THSD4: variants seen among roughly 807,000 people sequenced by gnomAD.
THSD4 encodes the protein thrombospondin type 1 domain containing 4.
THSD4 carries 69 observed loss-of-function variants against 119.0 expected under a neutral mutation model. That is an observed-to-expected ratio of 0.58 (90% CI 0.48 to 0.71). THSD4 has a LOEUF of 0.71. THSD4 is among the 30% of genes least tolerant of loss of function. The pLI, the probability that THSD4 is intolerant of heterozygous loss-of-function variation, is 0.00. For missense variants in THSD4, 1,393 were observed against 1,391.1 expected (o/e 1.00, Z -0.02); for synonymous variants, 524 against 540.4 (o/e 0.97, Z 0.42).
At chr15:71,616,974 A>G (rs2050328915) in intron 7 of THSD4, among the ~76,000 whole-genome samples, 2 of 152,230 alleles carry the variant, frequency 1.3e-5, no homozygotes, top group South Asian at 2.1e-4. Flanking sequence ...GGGGCTCAGA[A>G]GGGTTTAGCC....
intron 5 of THSD4, among the ~76,000 whole-genome samples, chr15:71,244,579 G>A (rs73433458): frequency 0.055 from 8,409 of 152,218 alleles, 760 homozygotes; most frequent in African/African-American, 0.19. Flanking sequence ...TAAGGCCATT[G>A]CTGATCAGTC....
At chr15:71,705,989 C>G (rs759449326) in intron 8 of THSD4, among the ~76,000 whole-genome samples, 6 of 152,162 alleles carry the variant, frequency 3.9e-5, no homozygotes, top group Admixed American at 2.6e-4. Context: ...GGCTTTGGGA[C>G]ATGCAGACAT....
chr15:71,548,288 G>C (rs1281890950), intron 7 of THSD4, among the ~76,000 whole-genome samples: 1 of 152,086 alleles, frequency 6.6e-6, no homozygotes, highest in Non-Finnish European at 1.5e-5. Flanking sequence ...CCTGAGTAAC[G>C]AAAGGACAGC....
chr15:71,658,486 C>T (rs2051234474), intron 7 of THSD4, among the ~76,000 whole-genome samples: 1 of 152,146 alleles, frequency 6.6e-6, no homozygotes, highest in Non-Finnish European at 1.5e-5. Flanking sequence ...ACCACCTCTC[C>T]TGTCTACCTT....
In THSD4 at chr15:71,740,354, T is replaced by C. The variant is rs535723224; in HGVS notation, c.1906+2347T>C. On this transcript the variant is annotated intron_variant, in intron 11 of 17. Transcript: ENST00000261862. ...AACCCGAAATCAAAATGTATTATTA[T>C]TGAAATATTCTACCTTTAGGTAATG... is the stretch of plus-strand genomic sequence containing the variant. Among the ~76,000 whole-genome samples, 4 of 152,324 alleles carry C rather than the reference T, an allele frequency of 2.6e-5. No homozygotes were observed. The South Asian group carries it at 6.2e-4, about 24-fold the overall frequency.
intron 7 of THSD4, among the ~76,000 whole-genome samples, chr15:71,435,430 A>G (rs1339260304): frequency 6.6e-6 from 1 of 152,188 alleles, no homozygotes; most frequent in Non-Finnish European, 1.5e-5. Context: ...TTCTTTTCAT[A>G]GGTACCAATA....
chr15:71,729,831 C>T (rs922552515), intron 9 of THSD4: 4 of 151,828 alleles, frequency 2.6e-5, no homozygotes, highest in African/African-American at 7.3e-5. Flanking sequence ...AGCCACAGAC[C>T]GAGAGGAAGA....
chr15:71,196,171 T>G (rs559471036), intron 3 of THSD4, among the ~76,000 whole-genome samples: 2 of 152,306 alleles, frequency 1.3e-5, no homozygotes, highest in Admixed American at 6.5e-5. Flanking sequence ...GAAGCCTCTT[T>G]TATAAGGCCT....
At chr15:71,401,382 T>A (rs1047381156) in intron 6 of THSD4, among the ~76,000 whole-genome samples, 3 of 152,342 alleles carry the variant, frequency 2.0e-5, no homozygotes, top group South Asian at 2.1e-4. Flanking sequence ...TAGATTTTTT[T>A]AAAAATTGGT....
At chr15:71,668,565 A>G (rs963987457) in intron 8 of THSD4, among the ~76,000 whole-genome samples, 2 of 152,216 alleles carry the variant, frequency 1.3e-5, no homozygotes, top group African/African-American at 4.8e-5. Flanking sequence ...ACACACATTC[A>G]GAATGCTGGC....
chr15:71,346,383 AG>A (rs1362092304), intron 6 of THSD4, among the ~76,000 whole-genome samples: 1 of 152,218 alleles, frequency 6.6e-6, no homozygotes, highest in Admixed American at 6.5e-5. Context: ...TATTGGTGTC[AG>A]CATGGACACA....
intron 6 of THSD4, chr15:71,341,328 T>C: frequency 6.2e-7 from 1 of 1,605,368 alleles, no homozygotes; most frequent in Non-Finnish European, 8.5e-7. Context: ...GCTCTGTAGG[T>C]CCGGCGGTGC....
chr15:71,745,673 G>A (rs1369957359), intron 12 of THSD4, among the ~76,000 whole-genome samples: 1 of 152,168 alleles, frequency 6.6e-6, no homozygotes, highest in Non-Finnish European at 1.5e-5. Context: ...TGTTTTTATG[G>A]CAGAGTCTAG....
At chr15:71,541,105 C>T (rs996189869) in intron 7 of THSD4, among the ~76,000 whole-genome samples, 7 of 152,154 alleles carry the variant, frequency 4.6e-5, no homozygotes, top group African/African-American at 1.7e-4. Context: ...GAAATGCTGT[C>T]CACCAGTGTG....
At chr15:71,310,168 ATC>A (rs2045092418) in intron 6 of THSD4, among the ~76,000 whole-genome samples, 2 of 4,452 alleles carry the variant, frequency 4.5e-4, no homozygotes, top group Admixed American at 0.048. Flanking sequence ...TTACCTACCT[ATC>A]TGTCTTTTAG....
At chr15:71,234,412 CT>C (rs2044086500) in intron 4 of THSD4, among the ~76,000 whole-genome samples, 1 of 152,300 alleles carries the variant, frequency 6.6e-6, no homozygotes, top group South Asian at 2.1e-4. Flanking sequence ...TCAAGCAATT[CT>C]TGTGCCTCAG....
At position 71,737,789 on chromosome 15, in the gene THSD4, A is replaced by G. The variant is rs1189412900; in HGVS notation, c.1688A>G (p.Gln563Arg). Residue 563 changes from glutamine (Q) to arginine (R), a missense_variant, in exon 11 of 18, where the codon CAG (glutamine) becomes CGG (arginine). By Grantham distance (43) the Gln-to-Arg change is conservative. Coordinates refer to ENST00000261862, the MANE Select transcript of THSD4 (RefSeq NM_024817.3). ...GGCAGGAGCCAGGAGGAGGGAGAAC[A>G]GAAAGGGAGGAACGAGGAGAAGGAA... is the stretch of plus-strand genomic sequence containing the variant. Reference protein sequence around the residue: ...TEGRSQEEGEQKGRNEEKEDL... With the variant: ...TEGRSQEEGERKGRNEEKEDL... 1.4e-5 allele frequency: 22 copies of G among 1,614,114 alleles called. No homozygotes were observed. Among genetic ancestry groups the G allele is most frequent in the Non-Finnish European group, 1.9e-5 (22 of 1,180,020 alleles).
intron 7 of THSD4, among the ~76,000 whole-genome samples, chr15:71,460,246 C>T (rs2047408754): frequency 6.6e-6 from 1 of 151,572 alleles, no homozygotes; most frequent in Non-Finnish European, 1.5e-5. Context: ...TAATCACTTA[C>T]CAGCATTCAT....
intron 1 of THSD4, among the ~76,000 whole-genome samples, chr15:71,103,846 G>A (rs184598638): frequency 1.3e-5 from 2 of 151,998 alleles, no homozygotes; most frequent in East Asian, 3.9e-4. Context: ...CCTTTCTTGT[G>A]TTTTAGAGAG....
Sources: allele counts gnomAD v4.1 joint callset (sites outside exome capture counted in the v4.1 genomes callset), GRCh38; gene constraint gnomAD v4.1.1; transcripts MANE v1.5; gene names NCBI Gene and HGNC (gene_info 2026-07-23, HGNC 2026-07-21).